NDUFAF5: variants seen among roughly 807,000 people sequenced by gnomAD.
The protein encoded by NDUFAF5 is NADH:ubiquinone oxidoreductase complex assembly factor 5, also known as arginine-hydroxylase NDUFAF5, mitochondrial.
A neutral mutation model predicts 48.9 loss-of-function variants in NDUFAF5; 34 were observed. The ratio of observed to expected loss-of-function variants is 0.70; its 90% CI spans 0.53 to 0.93. The LOEUF (loss-of-function observed/expected upper bound fraction) is 0.93. Among genes scored for constraint, NDUFAF5 ranks in the 40% least tolerant of loss-of-function variants. The probability of loss-of-function intolerance (pLI) is 0.00; values close to 1 mark genes in which losing one functional copy is unlikely to be tolerated. For synonymous variants in NDUFAF5, 153 were observed against 150.6 expected, an observed-to-expected ratio of 1.02 and a Z score of -0.12; for missense variants, 428 against 427.5, an observed-to-expected ratio of 1.00 and a Z score of -0.01.
chr20:13,800,096 T>C (rs977940144), intron 6 of NDUFAF5, among the ~76,000 whole-genome samples: 6 of 152,026 alleles, frequency 3.9e-5, no homozygotes, highest in African/African-American at 2.4e-5. Context: ...GTCCAGGGAA[T>C]AGGCAGTTGA....
intron 2 of NDUFAF5, 122 bp downstream of exon 2, chr20:13,787,474 T>G (rs912885019): frequency 1.1e-6 from 1 of 909,896 alleles, no homozygotes; most frequent in Non-Finnish European, 1.8e-6. Context: ...GACTGGTGAT[T>G]TAAATCACTC....
chr20:13,814,457 G>C, intron 8 of NDUFAF5: 11 of 1,289,182 alleles, frequency 8.5e-6, no homozygotes, highest in Non-Finnish European at 1.1e-5. Context: ...TACAAAACAA[G>C]CTGCATATCA....
At position 13,819,937 on chromosome 20, in the gene NDUFAF5, A is replaced by G. The variant is rs933814169; in HGVS notation, c.*2727A>G. 4 of 152,332 alleles carry G rather than the reference A, an allele frequency of 2.6e-5. No individual in the cohort carries two copies. In the East Asian group the frequency reaches 7.7e-4, roughly 29 times the overall value. 9.4% of individuals were successfully genotyped at this position (152,332 alleles called of 1,614,324 possible). ...TAGGAAAGAGGAACTAGGTTCTGGG[A>G]GAAAGACTCCTTTGGAATAAAATTC... On this transcript the variant is annotated 3_prime_UTR_variant, in exon 11 of 11. Transcript: ENST00000378106.
chr20:13,788,620 G>A lies in NDUFAF5; in HGVS notation c.295G>A (p.Gly99Arg). Residue 99 changes from glycine (G) to arginine (R), a missense_variant, in exon 3 of 11, where the codon GGA becomes AGA. Gly to Arg is a moderately radical substitution (Grantham distance 125). Transcript: ENST00000378106. ...CCCCCTTGCTTTGGATCTTGGTTGTGGAAGAGGTTACATTGCACAATATTT... is the reference window on the plus strand; with the variant it reads ...CCCCCTTGCTTTGGATCTTGGTTGTAGAAGAGGTTACATTGCACAATATTT... ...NFPLALDLGC[G>R]RGYIAQYLNK... The A allele has an allele frequency of 6.2e-7, 1 of 1,612,328 alleles. No individual in the cohort carries two copies. The highest frequency in any genetic ancestry group is 8.5e-7 in the Non-Finnish European group (1 of 1,178,610).
chr20:13,787,232 CAT>C, intron 1 of NDUFAF5, 78 bp from the exon 2 acceptor site: 1 of 1,427,368 alleles, frequency 7.0e-7, no homozygotes. Flanking sequence ...TATTTTAAAA[CAT>C]AAGTAACTTG....
At chr20:13,795,570 A>G (rs1172903114) in intron 5 of NDUFAF5, among the ~76,000 whole-genome samples, 1 of 151,972 alleles carries the variant, frequency 6.6e-6, no homozygotes, top group Middle Eastern at 3.4e-3. Context: ...AGCAATCCCA[A>G]CACTTTGGGA....
chr20:13,821,337 A>G lies in NDUFAF5; in HGVS notation c.*4127A>G, dbSNP rs1986968565. 6.6e-6 allele frequency: 1 copy of G among 152,228 alleles called. No individual in the cohort carries two copies. The highest frequency in any genetic ancestry group is 2.4e-5 in the African/African-American group (1 of 41,446). The allele number at this position is 152,228 out of a possible 1,614,324, so 9.4% of individuals were successfully genotyped here. ...TTCACTCTAGGGAAAGCCAGCAGCCATATTGTAAGGCCACTCAACTCCATG... is the reference window on the plus strand; with the variant it reads ...TTCACTCTAGGGAAAGCCAGCAGCCGTATTGTAAGGCCACTCAACTCCATG... On this transcript the variant is annotated 3_prime_UTR_variant, in exon 11 of 11. Coordinates refer to ENST00000378106, the MANE Select transcript of NDUFAF5 (RefSeq NM_024120.5).
intron 8 of NDUFAF5, chr20:13,813,057 C>T (rs768044706): frequency 6.6e-6 from 1 of 152,450 alleles, no homozygotes; most frequent in Non-Finnish European, 1.5e-5. Flanking sequence ...TCAAGTAATT[C>T]TCCTGCTTCA....
intron 3 of NDUFAF5, among the ~76,000 whole-genome samples, chr20:13,792,912 T>C (rs953674727): frequency 6.6e-6 from 1 of 152,184 alleles, no homozygotes; most frequent in African/African-American, 2.4e-5. Flanking sequence ...TGTTATGCCA[T>C]GGAAAAGTTA....
intron 2 of NDUFAF5, 84 bp from the exon 3 acceptor site, chr20:13,788,505 G>A: frequency 9.4e-7 from 1 of 1,063,802 alleles, no homozygotes; most frequent in Non-Finnish European, 1.4e-6. Flanking sequence ...GTGTTTACTG[G>A]AATGATTTTA....
At chr20:13,804,956 A>G (rs562327722) in intron 7 of NDUFAF5, among the ~76,000 whole-genome samples, 1 of 152,364 alleles carries the variant, frequency 6.6e-6, no homozygotes, top group Admixed American at 6.5e-5. Context: ...GAGAGCTAAT[A>G]TAACTAAAAA....
chr20:13,812,690 G>A (rs578006144), intron 8 of NDUFAF5, among the ~76,000 whole-genome samples: 73 of 152,238 alleles, frequency 4.8e-4, no homozygotes, highest in African/African-American at 1.5e-3. Context: ...TTGAGGCATC[G>A]AGAAGTTAAG....
rs1484026364 is a variant in NDUFAF5 at position 13,785,277 on chromosome 20, A to G, written c.209A>G (p.Tyr70Cys). The part of the protein sequence containing the change: ...ARQPEPTKFD[Y>C]LKEEVGSRIA... The stretch of plus-strand genomic sequence containing the variant: ...CAGCCCGAGCCGACCAAATTTGACT[A>G]CCTGAAGGAGGAGGTGAGCCCGCGG... The change falls in exon 1 of 11, where the codon TAC becomes TGC. Residue 70 changes from tyrosine (Y) to cysteine (C), a missense_variant. Coordinates refer to ENST00000378106, the MANE Select transcript of NDUFAF5 (RefSeq NM_024120.5). The G allele has an allele frequency of 1.3e-6, 2 of 1,579,320 alleles. No individual in the cohort carries two copies. The highest frequency in any genetic ancestry group is 8.7e-7 in the Non-Finnish European group (1 of 1,152,044).
chr20:13,818,003 T>G lies in NDUFAF5; in HGVS notation c.*793T>G, dbSNP rs1268548630. On this transcript the variant is annotated 3_prime_UTR_variant, in exon 11 of 11. Coordinates refer to ENST00000378106, the MANE Select transcript of NDUFAF5 (RefSeq NM_024120.5). Reference sequence around the variant, plus strand: ...CTGAGAAGCAAGCAGGAGTGAGCGCTAAGTGTTTTGTTTCCAGTTAGCTGT... The same window carrying G: ...CTGAGAAGCAAGCAGGAGTGAGCGCGAAGTGTTTTGTTTCCAGTTAGCTGT... 8.8e-6 allele frequency: 4 copies of G among 454,020 alleles called. No homozygotes were observed. The highest frequency in any genetic ancestry group is 4.7e-5 in the South Asian group (3 of 64,478). 28.1% of individuals were successfully genotyped at this position (454,020 alleles called of 1,614,324 possible). A position where few individuals can be genotyped will look rare whatever the true frequency, so the allele number is the denominator to read the frequency against.
chr20:13,808,021 A>G (rs886624770), intron 7 of NDUFAF5, among the ~76,000 whole-genome samples: 5 of 152,146 alleles, frequency 3.3e-5, no homozygotes, highest in African/African-American at 1.2e-4. Context: ...TAACACAATA[A>G]AGTTTTATCA....
At chr20:13,798,546 ATTG>A in intron 6 of NDUFAF5, 46 bp downstream of exon 6, 2 of 1,385,708 alleles carry the variant, frequency 1.4e-6, no homozygotes, top group Non-Finnish European at 2.1e-6. Context: ...TATTTTCTTT[ATTG>A]TTAGAAATCT....
At chr20:13,803,045 A>T (rs1366792771) in intron 7 of NDUFAF5, 1 of 152,258 alleles carries the variant, frequency 6.6e-6, no homozygotes, top group Admixed American at 6.5e-5. Context: ...TAGAGATGAT[A>T]AGCTTAAACG....
chr20:13,795,688 G>A (rs868053006), intron 5 of NDUFAF5, among the ~76,000 whole-genome samples: 24 of 152,180 alleles, frequency 1.6e-4, no homozygotes, highest in Admixed American at 4.6e-4. Context: ...GCAAGGTGGC[G>A]CATGCCTGTA....
chr20:13,801,396 T>C, intron 6 of NDUFAF5, 90 bp from the exon 7 acceptor site: 1 of 792,900 alleles, frequency 1.3e-6, no homozygotes, highest in Non-Finnish European at 1.9e-6. Flanking sequence ...GTGGTTGTCA[T>C]AAAATGTTAA....
Sources: allele counts gnomAD v4.1 joint callset (sites outside exome capture counted in the v4.1 genomes callset), GRCh38; gene constraint gnomAD v4.1.1; transcripts MANE v1.5; gene names NCBI Gene and HGNC (gene_info 2026-07-23, HGNC 2026-07-21).